MAP2: variants seen among roughly 807,000 people sequenced by gnomAD.
The protein encoded by MAP2 is microtubule-associated protein 2.
A neutral mutation model predicts 137.6 loss-of-function variants in MAP2; 14 were observed. The ratio of observed to expected loss-of-function variants is 0.10; its 90% confidence interval spans 0.07 to 0.16. The LOEUF (loss-of-function observed/expected upper bound fraction) is 0.16. Ranked by LOEUF, MAP2 falls within the 10% of genes least tolerant of loss-of-function variation. MAP2 has a pLI of 1.00. For missense variants in MAP2, 2,088 were observed against 2,191.5 expected (o/e 0.95, Z 0.94); for synonymous variants, 786 against 782.3 (o/e 1.00, Z -0.08).
At chr2:209,697,205 T>A (rs909398292) in intron 10 of MAP2, among the ~76,000 whole-genome samples, 154 bp downstream of exon 10, 2 of 94,746 alleles carry the variant, frequency 2.1e-5, no homozygotes, top group Admixed American at 8.7e-5. Context: ...ATCATTATTC[T>A]TTTTTCCCCC....
At chr2:209,503,838 G>C (rs995053050) in intron 1 of MAP2, among the ~76,000 whole-genome samples, 1 of 152,074 alleles carries the variant, frequency 6.6e-6, no homozygotes, top group African/African-American at 2.4e-5. Context: ...TGCAAACGTT[G>C]GGTTCAAATA....
intron 2 of MAP2, among the ~76,000 whole-genome samples, chr2:209,541,643 A>G (rs930936350): frequency 2.0e-5 from 3 of 152,172 alleles, no homozygotes; most frequent in East Asian, 1.9e-4. Flanking sequence ...CTTTGTTGTT[A>G]TCTTGACAAT....
intron 1 of MAP2, among the ~76,000 whole-genome samples, chr2:209,436,511 A>T (rs1380997218): frequency 6.6e-6 from 1 of 151,800 alleles, no homozygotes; most frequent in Non-Finnish European, 1.5e-5. Context: ...GTATTTTGTC[A>T]ACCCCTGGCA....
chr2:209,460,070 A>C (rs138374136), intron 1 of MAP2, among the ~76,000 whole-genome samples: 3,176 of 152,218 alleles, frequency 0.021, 41 homozygotes, highest in Non-Finnish European at 0.033. Context: ...AAATTTTTCA[A>C]CTCAGCACAT....
chr2:209,643,916 C>T (rs1204841832), intron 4 of MAP2, among the ~76,000 whole-genome samples: 3 of 152,170 alleles, frequency 2.0e-5, no homozygotes, highest in Non-Finnish European at 2.9e-5. Context: ...AACATAGTTG[C>T]CTTAACCCTT....
chr2:209,633,568 A>G (rs1009597659), intron 4 of MAP2, among the ~76,000 whole-genome samples: 1 of 152,130 alleles, frequency 6.6e-6, no homozygotes, highest in Non-Finnish European at 1.5e-5. Context: ...AAAGAAATAA[A>G]CTGTAGCCTT....
chr2:209,653,190 A>G lies in MAP2; in HGVS notation c.20A>G (p.Asp7Gly). 1 of 1,600,674 alleles carries G rather than the reference A, an allele frequency of 6.2e-7. No individual in the cohort carries two copies. The highest frequency in any genetic ancestry group is 2.2e-5 in the East Asian group (1 of 44,738). ...TGAAGAATGGCAGATGAACGGAAAG[A>G]TGAAGCAAAGGCACCTCACTGGACC... MADERK[D>G]EAKAPHWTSA... is the part of the protein sequence containing the mutation. The change falls in exon 5 of 16, where the codon GAT becomes GGT. Residue 7 changes from aspartate (D) to glycine (G), a missense_variant. Asp to Gly is a moderately conservative substitution (Grantham distance 94, BLOSUM62 -1). Transcript: ENST00000682079.
At chr2:209,590,133 C>T (rs2078852917) in intron 3 of MAP2, among the ~76,000 whole-genome samples, 1 of 152,084 alleles carries the variant, frequency 6.6e-6, no homozygotes, top group Admixed American at 6.6e-5. Flanking sequence ...CCCATCCATG[C>T]TCTCATTAGC....
intron 3 of MAP2, among the ~76,000 whole-genome samples, chr2:209,612,546 C>T (rs1044294666): frequency 6.6e-6 from 1 of 151,992 alleles, no homozygotes; most frequent in Non-Finnish European, 1.5e-5. Context: ...TTTTTCTGGG[C>T]CTGTTGTAGC....
Position 209,725,861 on chromosome 2 carries a change from G to A in MAP2, c.5155+71G>A, listed in dbSNP as rs1173810802. On this transcript the variant is annotated intron_variant, in intron 14 of 15. Transcript: ENST00000682079. ...CAAGAAAGGGATGAGAAAATTTTTTGTTGTTGCAAAATACCTAATTGGAAG... is the reference window on the plus strand; with the variant it reads ...CAAGAAAGGGATGAGAAAATTTTTTATTGTTGCAAAATACCTAATTGGAAG... 3.1e-6 allele frequency: 3 copies of A among 976,894 alleles called. No homozygotes were observed. In the African/African-American group the frequency reaches 5.1e-5, roughly 17 times the overall value. 60.5% of individuals were successfully genotyped at this position (976,894 alleles called of 1,614,324 possible). A position where few individuals can be genotyped will look rare whatever the true frequency, so the allele number is the denominator to read the frequency against.
intron 3 of MAP2, among the ~76,000 whole-genome samples, chr2:209,610,329 T>C (rs954914420): frequency 1.3e-5 from 2 of 152,084 alleles, no homozygotes; most frequent in African/African-American, 4.8e-5. Context: ...GGTTAAATGA[T>C]GCCAAATCTT....
At position 209,693,671 on chromosome 2, in the gene MAP2, G is replaced by A. The variant is rs200834782; in HGVS notation, c.1501G>A (p.Val501Ile). The A allele has an allele frequency of 1.3e-5, 21 of 1,613,748 alleles. No homozygotes were observed. In the East Asian group the frequency reaches 2.9e-4, roughly 22 times the overall value. Residue 501 changes from valine to isoleucine, a missense_variant, in exon 8 of 16, where the codon GTA (valine) becomes ATA (isoleucine). Val to Ile is a conservative substitution (Grantham distance 29). Around this residue, in one of 6 missense-constraint regions of MAP2, gnomAD observed 859 missense variants for 794.5 expected, o/e 1.08. Transcript: ENST00000682079. ...TDMLKQDSFPVSLEQAVTDSA... is the reference protein window; with the variant it reads ...TDMLKQDSFPISLEQAVTDSA... ...TATGTTGAAACAGGACTCGTTCCCT[G>A]TAAGTTTGGAGCAAGCAGTTACAGA... is the stretch of plus-strand genomic sequence containing the variant.
intron 2 of MAP2, among the ~76,000 whole-genome samples, chr2:209,528,978 T>C (rs1005512652): frequency 2.0e-5 from 3 of 151,906 alleles, no homozygotes; most frequent in African/African-American, 7.2e-5. Flanking sequence ...TTTTTCACAT[T>C]TTAAAAAGCC....
At position 209,654,944 on chromosome 2, in the gene MAP2, G is replaced by C. The variant is rs16843388; in HGVS notation, c.262+1512G>C. 6.7e-4 allele frequency among the ~76,000 whole-genome samples: 102 copies of C among 152,146 alleles called. 1 individual carries two copies. In the South Asian group the frequency reaches 0.02, roughly 30 times the overall value. Reference sequence around the variant, plus strand: ...GTCTTACTTTGTCCCTTGGGCTCTCGCCAGTTGACTCTCAGTGCCTGTTAT... The same window carrying C: ...GTCTTACTTTGTCCCTTGGGCTCTCCCCAGTTGACTCTCAGTGCCTGTTAT... On this transcript the variant is annotated intron_variant, in intron 5 of 15. Coordinates refer to ENST00000682079, the MANE Select transcript of MAP2 (RefSeq NM_001375505.1).
intron 2 of MAP2, among the ~76,000 whole-genome samples, chr2:209,508,061 G>T (rs1023263253): frequency 1.3e-5 from 2 of 151,922 alleles, no homozygotes; most frequent in African/African-American, 2.4e-5. Flanking sequence ...TCGTAAAGAG[G>T]GTAGAATTGA....
intron 1 of MAP2, among the ~76,000 whole-genome samples, chr2:209,439,881 G>A (rs1697326081): frequency 6.6e-6 from 1 of 151,442 alleles, no homozygotes; most frequent in Non-Finnish European, 1.5e-5. Flanking sequence ...GGAGGAGAAT[G>A]TAAATAAAAT....
intron 10 of MAP2, among the ~76,000 whole-genome samples, chr2:209,698,904 G>T (rs1346702269): frequency 2.0e-5 from 3 of 152,156 alleles, no homozygotes; most frequent in African/African-American, 7.2e-5. Context: ...ATGTCATCAG[G>T]ATTGTGGAAT....
At chr2:209,628,949 C>T (rs1027786385) in intron 4 of MAP2, among the ~76,000 whole-genome samples, 12 of 152,132 alleles carry the variant, frequency 7.9e-5, no homozygotes, top group African/African-American at 2.9e-4. Context: ...TAGTCGTTGC[C>T]CTTTTAAGGA....
chr2:209,689,300 ATT>A (rs3835776), intron 7 of MAP2, among the ~76,000 whole-genome samples: 1 of 151,602 alleles, frequency 6.6e-6, no homozygotes, highest in African/African-American at 2.4e-5. Flanking sequence ...GATAATGTAG[ATT>A]TTTTTTTCTC....
Sources: allele counts gnomAD v4.1 joint callset (sites outside exome capture counted in the v4.1 genomes callset), GRCh38; gene constraint gnomAD v4.1.1; regional missense constraint gnomAD v4.1.1; transcripts MANE v1.5; gene names NCBI Gene and HGNC (gene_info 2026-07-23, HGNC 2026-07-21).